The following SPAG16 variants were observed in gnomAD, a reference collection of about 807,000 sequenced individuals.
The protein encoded by SPAG16 is sperm-associated antigen 16 protein.
In SPAG16, 86 loss-of-function variants were observed where a neutral mutation model predicts 80.4. The ratio of observed to expected loss-of-function variants is 1.07; its 90% confidence interval spans 0.90 to 1.28. The LOEUF (loss-of-function observed/expected upper bound fraction) is 1.28, where lower values mean the gene tolerates loss of function less well. Ranked by LOEUF, SPAG16 falls within the 50% of genes most tolerant of loss-of-function variation. The pLI, the probability that SPAG16 is intolerant of heterozygous loss-of-function variation, is 0.00. For missense variants in SPAG16, 870 were observed against 765.3 expected (o/e 1.14, Z -1.61); for synonymous variants, 294 against 265.9 (o/e 1.11, Z -1.03).
At chr2:213,411,157 T>C (rs2068944893) in intron 9 of SPAG16, among the ~76,000 whole-genome samples, 1 of 152,202 alleles carries the variant, frequency 6.6e-6, no homozygotes, top group African/African-American at 2.4e-5. Flanking sequence ...CAATTGGCTA[T>C]CCCTTTCACC....
At chr2:213,456,071 G>A (rs1406569182) in intron 9 of SPAG16, among the ~76,000 whole-genome samples, 10 of 152,158 alleles carry the variant, frequency 6.6e-5, no homozygotes, top group Admixed American at 6.5e-4. Context: ...CATGTTTTCT[G>A]GCTCTCAGCA....
chr2:213,715,071 C>A (rs1415832520), intron 10 of SPAG16, among the ~76,000 whole-genome samples: 1 of 152,076 alleles, frequency 6.6e-6, no homozygotes, highest in Non-Finnish European at 1.5e-5. Context: ...TCAGTGTGAT[C>A]ACTGTGACTT....
intron 13 of SPAG16, among the ~76,000 whole-genome samples, chr2:214,024,320 T>C (rs1028017722): frequency 6.6e-6 from 1 of 151,686 alleles, no homozygotes; most frequent in South Asian, 2.1e-4. Flanking sequence ...TATTCATTAC[T>C]GAAATGGCTT....
chr2:213,781,267 G>T (rs569811955), intron 10 of SPAG16, among the ~76,000 whole-genome samples: 1 of 152,164 alleles, frequency 6.6e-6, no homozygotes, highest in East Asian at 1.9e-4. Flanking sequence ...TCTCCATTAT[G>T]GAGAGGGAAA....
chr2:213,725,203 T>C (rs952155233), intron 10 of SPAG16, among the ~76,000 whole-genome samples: 3 of 152,112 alleles, frequency 2.0e-5, no homozygotes, highest in Non-Finnish European at 4.4e-5. Flanking sequence ...CAGCTAATTT[T>C]TGTAGAGACA....
At chr2:213,900,667 T>C (rs936781535) in intron 11 of SPAG16, among the ~76,000 whole-genome samples, 2 of 152,160 alleles carry the variant, frequency 1.3e-5, no homozygotes, top group African/African-American at 2.4e-5. Context: ...AATTGTTCTG[T>C]TACTCTTCTC....
intron 10 of SPAG16, among the ~76,000 whole-genome samples, chr2:213,572,517 C>T (rs1182275103): frequency 1.3e-5 from 2 of 151,710 alleles, no homozygotes; most frequent in African/African-American, 4.9e-5. Context: ...TCAGTATGCC[C>T]CTGCTGGGGG....
chr2:213,976,335 C>CATAT (rs60963174), intron 12 of SPAG16, among the ~76,000 whole-genome samples: 27 of 150,272 alleles, frequency 1.8e-4, no homozygotes, highest in Admixed American at 8.0e-4. Context: ...CATGTGTGCA[C>CATAT]ATATATATAT....
intron 10 of SPAG16, among the ~76,000 whole-genome samples, chr2:213,832,877 G>C (rs943018533): frequency 3.9e-5 from 6 of 152,150 alleles, no homozygotes; most frequent in Middle Eastern, 3.4e-3. Flanking sequence ...ACTTTTAAGA[G>C]AGTCAGCATG....
At chr2:214,342,858 A>T (rs1361583454) in intron 15 of SPAG16, among the ~76,000 whole-genome samples, 1 of 152,152 alleles carries the variant, frequency 6.6e-6, no homozygotes, top group Non-Finnish European at 1.5e-5. Context: ...AAGCATATAC[A>T]CACTTTTCAT....
intron 11 of SPAG16, among the ~76,000 whole-genome samples, chr2:213,912,298 A>T (rs988209914): frequency 1.3e-5 from 2 of 152,174 alleles, no homozygotes. Flanking sequence ...TAAACAATAA[A>T]ATCCAACATC....
intron 9 of SPAG16, among the ~76,000 whole-genome samples, chr2:213,441,428 A>G (rs983513581): frequency 1.3e-5 from 2 of 152,242 alleles, no homozygotes; most frequent in African/African-American, 4.8e-5. Flanking sequence ...TATTTCAAAA[A>G]TGGAAAACAA....
chr2:213,367,462 C>A (rs1559461337), intron 8 of SPAG16, among the ~76,000 whole-genome samples: 4 of 152,282 alleles, frequency 2.6e-5, no homozygotes, highest in African/African-American at 7.2e-5. Flanking sequence ...TGTTTCCTGA[C>A]TTTTTAATGA....
chr2:214,107,779 C>G (rs899102744), intron 13 of SPAG16, among the ~76,000 whole-genome samples: 6 of 152,042 alleles, frequency 3.9e-5, no homozygotes, highest in African/African-American at 1.4e-4. Flanking sequence ...GTGATTCTAT[C>G]ATTTAAAAAG....
chr2:213,925,585 C>A (rs979363635), intron 11 of SPAG16, among the ~76,000 whole-genome samples: 4 of 152,182 alleles, frequency 2.6e-5, no homozygotes, highest in Non-Finnish European at 5.9e-5. Flanking sequence ...CTCCTGACCT[C>A]AAGTAATCTG....
At chr2:213,361,364 A>ATGTG (rs71397187) in intron 7 of SPAG16, among the ~76,000 whole-genome samples, 28,372 of 148,726 alleles carry the variant, frequency 0.19, 3,573 homozygotes, top group Non-Finnish European at 0.29. Context: ...ATATGTATGT[A>ATGTG]TGTGTGTGTG....
chr2:213,497,921 G>C (rs967382519), intron 10 of SPAG16, among the ~76,000 whole-genome samples: 1 of 152,068 alleles, frequency 6.6e-6, no homozygotes, highest in African/African-American at 2.4e-5. Context: ...TCTCACTCCA[G>C]CTTCCTCCTT....
intron 3 of SPAG16, among the ~76,000 whole-genome samples, chr2:213,307,620 G>A (rs994941080): frequency 6.6e-6 from 1 of 150,982 alleles, no homozygotes; most frequent in African/African-American, 2.4e-5. Flanking sequence ...GGACATTTGG[G>A]TTGGTTCCAA....
At chr2:213,605,289 T>C (rs1175230587) in intron 10 of SPAG16, among the ~76,000 whole-genome samples, 2 of 149,090 alleles carry the variant, frequency 1.3e-5, no homozygotes, top group Admixed American at 1.3e-4. Flanking sequence ...TTTTTTGAGA[T>C]GGAGTCTCGC....
Sources: gnomAD v4.1 joint callset for allele counts (sites outside exome capture counted in the v4.1 genomes callset) on GRCh38, gnomAD v4.1.1 for gene constraint, MANE v1.5 for transcripts, NCBI Gene and HGNC (gene_info 2026-07-23, HGNC 2026-07-21) for gene names.